The following GALNT18 variants were observed in gnomAD, a reference collection of about 807,000 sequenced individuals.
GALNT18 encodes the protein GalNAc-transferase 18.
GALNT18 carries 44 observed loss-of-function variants against 69.5 expected under a neutral mutation model. The observed-to-expected ratio is 0.63, with a 90% CI of 0.50 to 0.81. The LOEUF (loss-of-function observed/expected upper bound fraction) is 0.81, where lower values mean the gene tolerates loss of function less well. GALNT18 is among the 40% of genes least tolerant of loss of function. GALNT18 has a pLI of 0.00. For missense variants in GALNT18, 715 were observed against 810.0 expected (o/e 0.88, Z 1.42); for synonymous variants, 364 against 318.2 (o/e 1.14, Z -1.53).
At chr11:11,536,909 A>G (rs1857785750) in intron 1 of GALNT18, among the ~76,000 whole-genome samples, 1 of 152,268 alleles carries the variant, frequency 6.6e-6, no homozygotes, top group African/African-American at 2.4e-5. Context: ...AAAGCCAGGC[A>G]GCACCACTAC....
At chr11:11,451,042 C>T (rs901945558) in intron 1 of GALNT18, among the ~76,000 whole-genome samples, 6 of 152,028 alleles carry the variant, frequency 3.9e-5, no homozygotes, top group East Asian at 1.9e-4. Flanking sequence ...AAAGCAAAGT[C>T]GGAAAATTTA....
intron 1 of GALNT18, among the ~76,000 whole-genome samples, chr11:11,489,069 GCC>G (rs946683713): frequency 2.6e-5 from 4 of 152,222 alleles, no homozygotes; most frequent in African/African-American, 9.6e-5. Context: ...AGTGAAGTGT[GCC>G]CCAAACATGG....
chr11:11,312,271 C>A (rs1282342783), intron 9 of GALNT18, among the ~76,000 whole-genome samples: 3 of 152,160 alleles, frequency 2.0e-5, no homozygotes, highest in Admixed American at 6.5e-5. Context: ...TTGATTCCCC[C>A]AAAACTTAAC....
intron 1 of GALNT18, among the ~76,000 whole-genome samples, chr11:11,550,865 A>C (rs573987580): frequency 1.2e-3 from 187 of 152,342 alleles, no homozygotes; most frequent in Admixed American, 4.5e-3. Context: ...CATCCTGAAT[A>C]TTGTAGTTCC....
At chr11:11,327,967 C>A (rs1190155789) in intron 8 of GALNT18, among the ~76,000 whole-genome samples, 1 of 152,146 alleles carries the variant, frequency 6.6e-6, no homozygotes, top group Non-Finnish European at 1.5e-5. Flanking sequence ...CCTCTCTCTC[C>A]TCCCCATCTC....
At chr11:11,481,296 G>A (rs147537018) in intron 1 of GALNT18, among the ~76,000 whole-genome samples, 146,666 of 152,220 alleles carry the variant, frequency 0.96, 70,857 homozygotes, top group East Asian at 1. Flanking sequence ...GCTCCTCGCT[G>A]AGCATGAATC....
At chr11:11,375,623 C>A (rs935423452) in intron 5 of GALNT18, among the ~76,000 whole-genome samples, 1 of 152,196 alleles carries the variant, frequency 6.6e-6, no homozygotes, top group African/African-American at 2.4e-5. Flanking sequence ...CCGCCCAGAG[C>A]CTTTGGCAGG....
At chr11:11,516,085 T>A (rs1828779796) in intron 1 of GALNT18, among the ~76,000 whole-genome samples, 1 of 152,114 alleles carries the variant, frequency 6.6e-6, no homozygotes, top group South Asian at 2.1e-4. Context: ...AGCAGTGAGA[T>A]GGGCCGTCAC....
At position 11,358,417 on chromosome 11, in the gene GALNT18, C is replaced by G. The variant is rs1056961853; in HGVS notation, c.1092+14098G>C. 5.0e-5 allele frequency among the ~76,000 whole-genome samples: 7 copies of G among 140,574 alleles called. 1 individual carries two copies. The highest frequency in any genetic ancestry group is 9.5e-5 in the Non-Finnish European group (6 of 62,910). 92.2% of individuals were successfully genotyped at this position (140,574 alleles called of 152,430 possible). Reference sequence around the variant, plus strand: ...TTCTCTAGCCAATGGCACCCTGAAACCTTCCATCATCTGAGTTTGAAATAT... The same window carrying G: ...TTCTCTAGCCAATGGCACCCTGAAAGCTTCCATCATCTGAGTTTGAAATAT... On this transcript the variant is annotated intron_variant, in intron 6 of 10. Coordinates refer to ENST00000227756, the MANE Select transcript of GALNT18 (RefSeq NM_198516.3).
chr11:11,326,438 TCAA>T (rs1161215028), intron 9 of GALNT18, among the ~76,000 whole-genome samples: 1 of 152,232 alleles, frequency 6.6e-6, no homozygotes, highest in Non-Finnish European at 1.5e-5. Context: ...ACATTCTTGG[TCAA>T]GGGTTGTCTG....
intron 1 of GALNT18, among the ~76,000 whole-genome samples, chr11:11,490,604 C>T (rs1856748455): frequency 6.6e-6 from 1 of 152,132 alleles, no homozygotes; most frequent in African/African-American, 2.4e-5. Context: ...GTCCAGGGGC[C>T]TATAGGGACA....
intron 1 of GALNT18, among the ~76,000 whole-genome samples, chr11:11,567,857 A>T (rs574058319): frequency 2.6e-5 from 4 of 152,184 alleles, no homozygotes; most frequent in Non-Finnish European, 5.9e-5. Context: ...AGGGAGATAA[A>T]CATCCTATAT....
chr11:11,563,995 C>T lies in GALNT18; in HGVS notation c.235+57364G>A, dbSNP rs1430138094. Among the ~76,000 whole-genome samples, 3 of 152,092 alleles carry T rather than the reference C, an allele frequency of 2.0e-5. No individual in the cohort carries two copies. The highest frequency in any genetic ancestry group is 1.3e-4 in the Admixed American group (2 of 15,280). ...TGACATGATGGCTTGCTCCAACGCC[C>T]TAAAAACCAGCAACGATCAACTAGA... On this transcript the variant is annotated intron_variant, in intron 1 of 10. Transcript: ENST00000227756. The surrounding 1 kb of genome is among the most constrained non-coding windows in gnomAD (Gnocchi z 4.6).
intron 9 of GALNT18, among the ~76,000 whole-genome samples, chr11:11,301,840 C>T (rs1008959074): frequency 4.6e-5 from 7 of 152,226 alleles, no homozygotes; most frequent in South Asian, 4.1e-4. Context: ...ATCAGCCTGG[C>T]GGAGAGACAG....
chr11:11,489,540 G>A (rs551963609), intron 1 of GALNT18, among the ~76,000 whole-genome samples: 2 of 152,318 alleles, frequency 1.3e-5, no homozygotes, highest in South Asian at 4.1e-4. Context: ...TCCCTAGAGA[G>A]AAGATAGAAT....
rs762832643 is a variant in GALNT18 at position 11,480,090 on chromosome 11, ACTG to A, written c.236-31157_236-31155del. On this transcript the variant is annotated intron_variant, in intron 1 of 10. Transcript: ENST00000227756. The surrounding 1 kb of genome is among the most constrained non-coding windows in gnomAD (Gnocchi z 4.6). The stretch of plus-strand genomic sequence containing the variant: ...GGAGGGGGTACAGGAGGCAGAAAAT[ACTG>A]CTATTTGTCACCTTCCCTACCTTGA... 6.6e-6 allele frequency among the ~76,000 whole-genome samples: 1 copy of A among 152,072 alleles called. No homozygotes were observed. Among genetic ancestry groups the A allele is most frequent in the Admixed American group, 6.5e-5 (1 of 15,278 alleles).
Position 11,353,323 on chromosome 11 carries a change from C to G in GALNT18, c.1093-12319G>C, listed in dbSNP as rs998980759. 4.6e-5 allele frequency: 29 copies of G among 633,680 alleles called. No homozygotes were observed. In the African/African-American group the frequency reaches 4.8e-4, roughly 10 times the overall value. 39.3% of individuals were successfully genotyped at this position (633,680 alleles called of 1,614,324 possible). On this transcript the variant is annotated intron_variant, in intron 6 of 10. Coordinates refer to ENST00000227756, the MANE Select transcript of GALNT18 (RefSeq NM_198516.3). ...GAGTGGGGAGCAATTTTCTAAAATCCAAATAAAAACCTTCCCATCTCTAAT... is the reference window on the plus strand; with the variant it reads ...GAGTGGGGAGCAATTTTCTAAAATCGAAATAAAAACCTTCCCATCTCTAAT...
At chr11:11,585,135 G>GC (rs1332420198) in intron 1 of GALNT18, among the ~76,000 whole-genome samples, 1 of 152,104 alleles carries the variant, frequency 6.6e-6, no homozygotes, top group East Asian at 1.9e-4. Flanking sequence ...ACAAAATCAT[G>GC]CTTGGATAAA....
chr11:11,575,143 G>T (rs894016998), intron 1 of GALNT18, among the ~76,000 whole-genome samples: 8 of 152,118 alleles, frequency 5.3e-5, no homozygotes, highest in Non-Finnish European at 2.9e-5. Flanking sequence ...TTCCTGGCAG[G>T]GTATGGGGCA....
Sources: gnomAD v4.1 joint callset for allele counts (sites outside exome capture counted in the v4.1 genomes callset) on GRCh38, gnomAD v4.1.1 for gene constraint, Gnocchi (gnomAD v3.1) non-coding constraint, MANE v1.5 for transcripts, NCBI Gene and HGNC (gene_info 2026-07-23, HGNC 2026-07-21) for gene names.